SSC5D: variants seen among roughly 807,000 people sequenced by gnomAD.
The protein encoded by SSC5D is scavenger receptor cysteine rich family member with 5 domains, also known as soluble scavenger receptor cysteine-rich domain-containing protein SSC5D.
A neutral mutation model predicts 104.6 loss-of-function variants in SSC5D; 106 were observed. The ratio of observed to expected loss-of-function variants is 1.01; its 90% CI spans 0.87 to 1.19. The LOEUF (loss-of-function observed/expected upper bound fraction) is 1.19. SSC5D is among the 50% of genes most tolerant of loss of function. The probability of loss-of-function intolerance (pLI) is 0.00; values close to 1 mark genes in which losing one functional copy is unlikely to be tolerated. For missense variants in SSC5D, 1,993 were observed against 2,153.8 expected (o/e 0.93, Z 1.48); for synonymous variants, 860 against 883.5 (o/e 0.97, Z 0.47).
chr19:55,489,845 TCTC>T (rs1568473430), intron 3 of SSC5D, 34 bp from the exon 4 acceptor site: 1 of 1,532,900 alleles, frequency 6.5e-7, no homozygotes, highest in Non-Finnish European at 8.8e-7. Flanking sequence ...ATTCCCCTCC[TCTC>T]CTCATAGCTT....
At chr19:55,495,233 A>ATATATATATATATATTTTTTTTTTTT (rs1555765051) in intron 8 of SSC5D, among the ~76,000 whole-genome samples, 1 of 50,668 alleles carries the variant, frequency 2.0e-5, no homozygotes, top group Non-Finnish European at 3.2e-5. Context: ...ATATATATAT[A>ATATATATATATATATTTTTTTTTTTT]TTTTTTTTTT....
chr19:55,507,132 G>A (rs955076608), intron 12 of SSC5D, among the ~76,000 whole-genome samples: 2 of 151,644 alleles, frequency 1.3e-5, no homozygotes, highest in Non-Finnish European at 2.9e-5. Flanking sequence ...TTGTGCCACT[G>A]TACTCCAGCC....
At chr19:55,489,764 A>C in intron 3 of SSC5D, 102 bp downstream of exon 3, 1 of 1,495,368 alleles carries the variant, frequency 6.7e-7, no homozygotes, top group Non-Finnish European at 9.1e-7. Flanking sequence ...AGCAGTTCAG[A>C]GACACCCAAC....
At position 55,503,318 on chromosome 19, in the gene SSC5D, C is replaced by G. The variant is rs569570708; in HGVS notation, c.2785+2117C>G. On this transcript the variant is annotated intron_variant, in intron 12 of 13. Transcript: ENST00000389623. This position sits in a 1 kb window ranked among gnomAD's most constrained non-coding sequence, Gnocchi z 4.0. ...CACCTGCTTCTCACTCGATTTTTCACGGTCGGTTTTGCTATATCACCTCAT... is the reference window on the plus strand; with the variant it reads ...CACCTGCTTCTCACTCGATTTTTCAGGGTCGGTTTTGCTATATCACCTCAT... Among the ~76,000 whole-genome samples, 16 of 152,288 alleles carry G rather than the reference C, an allele frequency of 1.1e-4. No homozygotes were observed. The highest frequency in any genetic ancestry group is 3.4e-4 in the African/African-American group (14 of 41,552).
intron 12 of SSC5D, among the ~76,000 whole-genome samples, chr19:55,507,614 CGAG>C (rs1555766884): frequency 7.5e-6 from 1 of 133,296 alleles, no homozygotes; most frequent in Non-Finnish European, 1.5e-5. Flanking sequence ...TGCAGTGAGC[CGAG>C]ATCCCGCCAC....
Position 55,488,513 on chromosome 19 carries a change from C to T in SSC5D, c.-77C>T, listed in dbSNP as rs1987016866. ...CCAGCAGGCACTTCCCTCCCTCCCT[C>T]TCTCCCCAGCTGCCTCCTCCTCTTC... On this transcript the variant is annotated 5_prime_UTR_variant, in exon 1 of 14. Transcript: ENST00000389623. The T allele has an allele frequency of 7.3e-7, 1 of 1,372,460 alleles. No individual in the cohort carries two copies. Among genetic ancestry groups the T allele is most frequent in the South Asian group, 1.2e-5 (1 of 80,178 alleles). 85.0% of individuals were successfully genotyped at this position (1,372,460 alleles called of 1,614,324 possible). A position where few individuals can be genotyped will look rare whatever the true frequency, so the allele number is the denominator to read the frequency against.
intron 6 of SSC5D, chr19:55,491,521 G>C (rs1461169777): frequency 6.2e-6 from 1 of 160,964 alleles, no homozygotes; most frequent in Non-Finnish European, 1.4e-5. Context: ...CCATCCTCAA[G>C]GGAGCTGGTG....
At chr19:55,514,610 A>C (rs1987830881) in intron 13 of SSC5D, among the ~76,000 whole-genome samples, 1 of 150,750 alleles carries the variant, frequency 6.6e-6, no homozygotes, top group African/African-American at 2.4e-5. Flanking sequence ...AAAAAAAAAA[A>C]AAAAGAGAGA....
chr19:55,489,330 C>T, intron 2 of SSC5D, 24 bp from the exon 3 acceptor site: 2 of 1,428,684 alleles, frequency 1.4e-6, no homozygotes. Context: ...CCTCCCCAGT[C>T]ACAGCCATTC....
At chr19:55,489,208 C>T (rs1178461589) in intron 2 of SSC5D, 146 bp from the exon 3 acceptor site, 1 of 1,069,842 alleles carries the variant, frequency 9.3e-7, no homozygotes, top group Non-Finnish European at 1.3e-6. Flanking sequence ...CTCTGAGCAC[C>T]CAGGAGTCTG....
At chr19:55,497,724 A>G (rs1467996251) in intron 8 of SSC5D, among the ~76,000 whole-genome samples, 156 bp from the exon 9 acceptor site, 3 of 152,224 alleles carry the variant, frequency 2.0e-5, no homozygotes, top group African/African-American at 7.2e-5. Context: ...AAAAGGCCTC[A>G]TGAAATACTT....
intron 4 of SSC5D, 102 bp downstream of exon 4, chr19:55,490,097 C>T (rs1987092203): frequency 4.4e-6 from 2 of 458,832 alleles, no homozygotes. Context: ...AGCGTGCCCT[C>T]CTGCCCCCAC....
rs999937854 is a variant in SSC5D at position 55,518,532 on chromosome 19, A to G, written c.4256A>G (p.Asn1419Ser). 2 of 1,549,364 alleles carry G rather than the reference A, an allele frequency of 1.3e-6. No homozygotes were observed. The highest frequency in any genetic ancestry group is 3.9e-5 in the Admixed American group (2 of 50,848). The change falls in exon 14 of 14, where the codon AAC becomes AGC. Residue 1419 changes from asparagine (N) to serine (S), a missense_variant. Physicochemically the swap from Asn to Ser is conservative, Grantham distance 46 (BLOSUM62 1). This residue lies in a region of SSC5D where 349 missense variants were observed against 397.6 expected (regional missense o/e 0.88). Coordinates refer to ENST00000389623, the MANE Select transcript of SSC5D (RefSeq NM_001144950.2). ...DFKPPRSQSP[N>S]LTPPPTHTPH... is the part of the protein sequence containing the mutation. ...AAGCCACCCAGAAGCCAGAGCCCCA[A>G]CCTAACCCCTCCACCCACCCATACC...
rs149545971 is a variant in SSC5D, at chr19:55,498,056, C to T, written c.1564C>T (p.Arg522Cys). The T allele has an allele frequency of 2.4e-5, 37 of 1,551,656 alleles. No homozygotes were observed. Among genetic ancestry groups the T allele is most frequent in the African/African-American group, 1.1e-4 (8 of 73,138 alleles). The change falls in exon 9 of 14, where the codon CGC becomes TGC. Residue 522 changes from arginine to cysteine, a missense_variant. Coordinates refer to ENST00000389623, the MANE Select transcript of SSC5D (RefSeq NM_001144950.2). ...GPQQPDPAAG[R>C]FGWGAGPIWL... ...TCAGCAGCCAGACCCTGCTGCTGGC[C>T]GCTTTGGCTGGGGTGCGGGCCCCAT...
intron 12 of SSC5D, chr19:55,504,294 T>C: frequency 6.9e-7 from 1 of 1,452,078 alleles, no homozygotes. Flanking sequence ...AGGCAGCCAA[T>C]GAGCAGAAAT....
Position 55,518,679 on chromosome 19 carries a change from G to A in SSC5D, c.4403G>A (p.Gly1468Asp). The stretch of plus-strand genomic sequence containing the variant: ...GGGCCAACTCCTGGTCAGAGCCCAG[G>A]CCCCCATGGTCCATGTGTGGCCCCA... ...TLGPTPGQSP[G>D]PHGPCVAPTP... Residue 1468 changes from glycine to aspartate, a missense_variant, in exon 14 of 14, where the codon GGC (glycine) becomes GAC (aspartate). By Grantham distance (94) the Gly-to-Asp change is moderately conservative. Around this residue, in one of 6 missense-constraint regions of SSC5D, gnomAD observed 349 missense variants for 397.6 expected, o/e 0.88. Coordinates refer to ENST00000389623, the MANE Select transcript of SSC5D (RefSeq NM_001144950.2). 1 of 1,548,368 alleles carries A rather than the reference G, an allele frequency of 6.5e-7. No homozygotes were observed. The highest frequency in any genetic ancestry group is 8.7e-7 in the Non-Finnish European group (1 of 1,145,718).
chr19:55,494,033 A>T, intron 7 of SSC5D, 121 bp downstream of exon 7: 1 of 923,530 alleles, frequency 1.1e-6, no homozygotes, highest in Non-Finnish European at 1.6e-6. Flanking sequence ...CGGACTTTCC[A>T]CTCCCCCATC....
rs1040750977 is a variant in SSC5D, at chr19:55,499,972, C to A, written c.1862C>A (p.Pro621Gln). The A allele has an allele frequency of 6.4e-7, 1 of 1,551,946 alleles. No individual in the cohort carries two copies. Among genetic ancestry groups the A allele is most frequent in the East Asian group, 2.4e-5 (1 of 40,904 alleles). The part of the protein sequence containing the change: ...SVLEKTTTKA[P>Q]GKMPKSTKKW... ...CTGGAGAAAACAACCACGAAGGCCC[C>A]AGGGAAAATGCCTAAGAGTACTAAG... Residue 621 changes from proline (P) to glutamine (Q), a missense_variant, in exon 10 of 14, where the codon CCA (proline) becomes CAA (glutamine). Around this residue, in one of 6 missense-constraint regions of SSC5D, gnomAD observed 1,101 missense variants for 1,085.0 expected, o/e 1.01. Transcript: ENST00000389623.
intron 12 of SSC5D, among the ~76,000 whole-genome samples, chr19:55,505,417 G>T (rs1019999972): frequency 6.6e-6 from 1 of 151,786 alleles, no homozygotes; most frequent in Non-Finnish European, 1.5e-5. Context: ...TGAAAGATCT[G>T]TATCTATTTC....
Sources: gnomAD v4.1 joint callset for allele counts (sites outside exome capture counted in the v4.1 genomes callset) on GRCh38, gnomAD v4.1.1 for gene constraint, gnomAD v4.1.1 regional missense constraint, Gnocchi (gnomAD v3.1) non-coding constraint, MANE v1.5 for transcripts, NCBI Gene and HGNC (gene_info 2026-07-23, HGNC 2026-07-21) for gene names.